UBE3A: variants seen among roughly 807,000 people sequenced by gnomAD.
UBE3A encodes the protein ubiquitin-protein ligase E3A.
In UBE3A, 6 loss-of-function variants were observed where a neutral mutation model predicts 83.4. That is an observed-to-expected ratio of 0.07 (90% confidence interval 0.04 to 0.14). UBE3A has a LOEUF of 0.14. Among genes scored for constraint, UBE3A ranks in the 10% least tolerant of loss-of-function variants. The pLI is 1.00. For missense variants in UBE3A, 456 were observed against 1,036.1 expected (o/e 0.44, Z 7.69); for synonymous variants, 337 against 355.4 (o/e 0.95, Z 0.58).
chr15:25,405,203 C>T (rs190463474), intron 4 of UBE3A, among the ~76,000 whole-genome samples: 2 of 152,196 alleles, frequency 1.3e-5, no homozygotes, highest in African/African-American at 4.8e-5. Flanking sequence ...TATTTCCCTA[C>T]AACTGCTACC....
At chr15:25,340,518 G>A (rs2074561425) in intron 11 of UBE3A, among the ~76,000 whole-genome samples, 2 of 152,020 alleles carry the variant, frequency 1.3e-5, no homozygotes, top group Non-Finnish European at 1.5e-5. Flanking sequence ...TTAAACTATG[G>A]TATAATCACA....
rs541387062 is a variant in UBE3A, at chr15:25,418,311, A to G, written c.-164-6340T>C. The stretch of plus-strand genomic sequence containing the variant: ...CAACTAACCAAGAAAAAAGAAACAT[A>G]TATGTCCACACAGAGACTTCTTTTT... On this transcript the variant is annotated intron_variant, in intron 1 of 12. Transcript: ENST00000648336. 1.3e-4 allele frequency: 20 copies of G among 152,276 alleles called. No individual in the cohort carries two copies. The South Asian group carries it at 1.7e-3, about 13-fold the overall frequency. The allele number at this position is 152,276 out of a possible 1,614,324, so 9.4% of individuals were successfully genotyped here. A position where few individuals can be genotyped will look rare whatever the true frequency, so the allele number is the denominator to read the frequency against.
intron 4 of UBE3A, among the ~76,000 whole-genome samples, chr15:25,376,486 C>T (rs2081240065): frequency 6.6e-6 from 1 of 151,768 alleles, no homozygotes; most frequent in Non-Finnish European, 1.5e-5. Flanking sequence ...TCTCTACAAA[C>T]TTTTTTAAAA....
Position 25,338,436 on chromosome 15 carries a change from T to TTTTG in UBE3A, c.*697_*700dup, listed in dbSNP as rs2074178982. 6.6e-6 allele frequency: 1 copy of TTTTG among 151,932 alleles called. No individual in the cohort carries two copies. The highest frequency in any genetic ancestry group is 6.6e-5 in the Admixed American group (1 of 15,234). 9.4% of individuals were successfully genotyped at this position (151,932 alleles called of 1,614,324 possible). A position where few individuals can be genotyped will look rare whatever the true frequency, so the allele number is the denominator to read the frequency against. On this transcript the variant is annotated 3_prime_UTR_variant, in exon 13 of 13. Coordinates refer to ENST00000648336, the MANE Select transcript of UBE3A (RefSeq NM_130839.5). Reference sequence around the variant, plus strand: ...GACGACATACTGTGGCATGAGTTGTTTTTGTTTTTAATTTGTTGTGCTGTT... The same window carrying TTTTG: ...GACGACATACTGTGGCATGAGTTGTTTTTGTTTGTTTTTAATTTGTTGTGCTGTT...
At chr15:25,400,638 CG>C (rs1441187690) in intron 4 of UBE3A, among the ~76,000 whole-genome samples, 1 of 152,110 alleles carries the variant, frequency 6.6e-6, no homozygotes, top group Admixed American at 6.5e-5. Context: ...AGAAATTCTA[CG>C]GATTTTTGTA....
At chr15:25,416,287 T>C (rs549672567) in intron 1 of UBE3A, among the ~76,000 whole-genome samples, 14 of 152,244 alleles carry the variant, frequency 9.2e-5, no homozygotes, top group Admixed American at 6.5e-4. Flanking sequence ...GATTAAACTA[T>C]GGCATATTCT....
chr15:25,425,489 T>A (rs1013973271), intron 1 of UBE3A, among the ~76,000 whole-genome samples: 1 of 152,124 alleles, frequency 6.6e-6, no homozygotes, highest in African/African-American at 2.4e-5. Flanking sequence ...AGAGAATATG[T>A]TTGGTAGGAT....
In UBE3A at chr15:25,356,033, A is replaced by G. The variant is rs759922228; in HGVS notation, c.1983T>C (p.Asp661=). 1.2e-6 allele frequency: 2 copies of G among 1,613,768 alleles called. No homozygotes were observed. The highest frequency in any genetic ancestry group is 3.3e-5 in the Admixed American group (2 of 60,022). ...CCACATTCCCTTCATACTCCAATAA[A>G]TCTTTTAAACTCTGATATAGAACCT... The part of the protein sequence containing the change: ...SHPVLYQSLK[D]LLEYEGNVED... Residue 661 remains aspartate, a synonymous_variant, in exon 9 of 13, where the codon GAT becomes GAC. Coordinates refer to ENST00000648336, the MANE Select transcript of UBE3A (RefSeq NM_130839.5).
intron 1 of UBE3A, among the ~76,000 whole-genome samples, chr15:25,413,537 C>A (rs1352852058): frequency 6.6e-6 from 1 of 152,132 alleles, no homozygotes; most frequent in African/African-American, 2.4e-5. Context: ...CCTAAGTCCT[C>A]CTGCTTTAGT....
chr15:25,385,981 A>C (rs2083059289), intron 4 of UBE3A, among the ~76,000 whole-genome samples: 1 of 152,304 alleles, frequency 6.6e-6, no homozygotes, highest in East Asian at 1.9e-4. Flanking sequence ...TTTCAAGTAC[A>C]CTAGACTATT....
chr15:25,408,806 T>A (rs1421959017), intron 3 of UBE3A: 4 of 898,346 alleles, frequency 4.5e-6, no homozygotes, highest in Admixed American at 6.2e-5. Context: ...TTTTTAATGT[T>A]TTCTATAATG....
At chr15:25,434,962 A>G (rs1701210509) in intron 1 of UBE3A, among the ~76,000 whole-genome samples, 1 of 22,440 alleles carries the variant, frequency 4.5e-5, no homozygotes, top group South Asian at 3.5e-3. Flanking sequence ...TTTAAATTCT[A>G]TATACATACA....
Position 25,341,953 on chromosome 15 carries a change from A to C in UBE3A, c.2355-1725T>G, listed in dbSNP as rs1193549886. Among the ~76,000 whole-genome samples the C allele has an allele frequency of 1.3e-5, 2 of 152,130 alleles. 1 individual carries two copies. The highest frequency in any genetic ancestry group is 4.8e-5 in the African/African-American group (2 of 41,418). On this transcript the variant is annotated intron_variant, in intron 11 of 12. Transcript: ENST00000648336. ...AACACCATTTATCTGAAATAACTTA[A>C]AAGTTTTATTAGAATTCTTGGCTTT... is the stretch of plus-strand genomic sequence containing the variant.
chr15:25,395,688 T>C (rs1177706535), intron 4 of UBE3A, among the ~76,000 whole-genome samples: 2 of 152,118 alleles, frequency 1.3e-5, no homozygotes, highest in African/African-American at 2.4e-5. Context: ...GATAAATCAG[T>C]CTACAGTTCA....
intron 1 of UBE3A, among the ~76,000 whole-genome samples, chr15:25,416,857 T>A (rs1179049642): frequency 6.6e-6 from 1 of 152,088 alleles, no homozygotes; most frequent in Non-Finnish European, 1.5e-5. Context: ...ACTGCTTGGA[T>A]GTCTGCCTGG....
At chr15:25,361,914 C>A (rs1284552678) in intron 6 of UBE3A, among the ~76,000 whole-genome samples, 1 of 152,152 alleles carries the variant, frequency 6.6e-6, no homozygotes, top group Non-Finnish European at 1.5e-5. Context: ...CTCATTTGGA[C>A]AATCTAGTCT....
rs2073847049 is a variant in UBE3A, at chr15:25,334,057, T to C, written c.*5080A>G. 6.6e-6 allele frequency: 1 copy of C among 152,104 alleles called. No individual in the cohort carries two copies. The highest frequency in any genetic ancestry group is 2.1e-4 in the South Asian group (1 of 4,832). The allele number at this position is 152,104 out of a possible 1,614,324, so 9.4% of individuals were successfully genotyped here. A position where few individuals can be genotyped will look rare whatever the true frequency, so the allele number is the denominator to read the frequency against. On this transcript the variant is annotated 3_prime_UTR_variant, in exon 13 of 13. Coordinates refer to ENST00000648336, the MANE Select transcript of UBE3A (RefSeq NM_130839.5). The stretch of plus-strand genomic sequence containing the variant: ...AACAAGAAAAAGATGTCTGCTCTTG[T>C]CACTTCTATCCAATATTGTACTGGA...
At chr15:25,401,639 C>T (rs571910254) in intron 4 of UBE3A, among the ~76,000 whole-genome samples, 13 of 152,282 alleles carry the variant, frequency 8.5e-5, no homozygotes, top group African/African-American at 3.1e-4. Context: ...GTATCAGCTG[C>T]AATGGTTCCT....
intron 6 of UBE3A, among the ~76,000 whole-genome samples, chr15:25,364,674 C>T (rs1250245938): frequency 2.9e-5 from 4 of 139,856 alleles, no homozygotes; most frequent in Non-Finnish European, 4.5e-5. Context: ...GACGGAGTCT[C>T]GCTCTGTCGC....
Sources: allele counts gnomAD v4.1 joint callset (sites outside exome capture counted in the v4.1 genomes callset), GRCh38; gene constraint gnomAD v4.1.1; transcripts MANE v1.5; gene names NCBI Gene and HGNC (gene_info 2026-07-23, HGNC 2026-07-21).